The following PEBP4 variants were observed in gnomAD, a reference collection of about 807,000 sequenced individuals.
PEBP4 encodes phosphatidylethanolamine-binding protein 4.
In PEBP4, 22 loss-of-function variants were observed where a neutral mutation model predicts 23.9. The ratio of observed to expected loss-of-function variants is 0.92; its 90% confidence interval spans 0.66 to 1.31. The LOEUF (loss-of-function observed/expected upper bound fraction) is 1.31, where lower values mean the gene tolerates loss of function less well. Among genes scored for constraint, PEBP4 ranks in the 40% most tolerant of loss-of-function variants. The pLI is 0.00. For synonymous variants in PEBP4, 112 were observed against 99.3 expected (o/e 1.13, Z -0.76); for missense variants, 324 against 281.7 (o/e 1.15, Z -1.07).
At chr8:22,940,333 A>G (rs1809592889) in intron 1 of PEBP4, among the ~76,000 whole-genome samples, 1 of 152,152 alleles carries the variant, frequency 6.6e-6, no homozygotes, top group South Asian at 2.1e-4. Flanking sequence ...GAAATTCACC[A>G]AAGTGGCCTT....
intron 3 of PEBP4, among the ~76,000 whole-genome samples, 186 bp from the exon 4 acceptor site, chr8:22,817,921 T>A (rs377299936): frequency 6.6e-6 from 1 of 152,204 alleles, no homozygotes; most frequent in East Asian, 1.9e-4. Context: ...AGAAATGGCA[T>A]CTGTGAAGCA....
At chr8:22,924,669 C>G in intron 2 of PEBP4, 2 of 985,352 alleles carry the variant, frequency 2.0e-6, no homozygotes, top group Non-Finnish European at 2.4e-6. Flanking sequence ...GCAGCAGCTC[C>G]CATCCCTAGG....
chr8:22,930,318 G>A (rs1199319993), upstream of PEBP4, among the ~76,000 whole-genome samples: 1 of 152,020 alleles, frequency 6.6e-6, no homozygotes, highest in African/African-American at 2.4e-5. Context: ...TTTCCCCTAG[G>A]GTCCATCAGA....
intron 3 of PEBP4, chr8:22,897,793 A>C (rs1217089232): frequency 1.3e-5 from 2 of 152,192 alleles, no homozygotes; most frequent in East Asian, 3.8e-4. Flanking sequence ...CCCATATGCT[A>C]TGAAATGAAC....
At chr8:22,717,302 G>A (rs1329509339) in intron 6 of PEBP4, among the ~76,000 whole-genome samples, 1 of 152,214 alleles carries the variant, frequency 6.6e-6, no homozygotes, top group Non-Finnish European at 1.5e-5. Context: ...CTCCCAAAGT[G>A]CTGGGATTAC....
At chr8:22,770,797 A>G (rs1286774908) in intron 4 of PEBP4, among the ~76,000 whole-genome samples, 1 of 152,250 alleles carries the variant, frequency 6.6e-6, no homozygotes, top group African/African-American at 2.4e-5. Flanking sequence ...TTTAACGGAA[A>G]GCACACGTAT....
At chr8:22,744,318 C>A (rs1287490252) in intron 4 of PEBP4, among the ~76,000 whole-genome samples, 1 of 152,232 alleles carries the variant, frequency 6.6e-6, no homozygotes, top group African/African-American at 2.4e-5. Flanking sequence ...CAGAGATAGA[C>A]TCACCTGTTT....
intron 4 of PEBP4, among the ~76,000 whole-genome samples, chr8:22,772,789 T>A (rs759389230): frequency 1.3e-5 from 2 of 152,178 alleles, no homozygotes; most frequent in African/African-American, 4.8e-5. Context: ...AGACCTTTTC[T>A]TAGACAAATA....
At chr8:22,923,255 TC>T (rs1369648571) in intron 2 of PEBP4, among the ~76,000 whole-genome samples, 2 of 152,106 alleles carry the variant, frequency 1.3e-5, no homozygotes, top group African/African-American at 4.8e-5. Flanking sequence ...GTCATGTGGG[TC>T]TCTGTCATGG....
intron 3 of PEBP4, among the ~76,000 whole-genome samples, chr8:22,856,810 C>T (rs1292993774): frequency 1.3e-5 from 2 of 151,812 alleles, no homozygotes; most frequent in African/African-American, 4.8e-5. Context: ...AGGATCTTAC[C>T]CCCAGAAATT....
chr8:22,733,088 T>G (rs571923194), intron 4 of PEBP4, among the ~76,000 whole-genome samples: 73 of 152,308 alleles, frequency 4.8e-4, no homozygotes, highest in African/African-American at 1.7e-3. Context: ...TCAGCTTTAT[T>G]CTCCAGGCAA....
intron 3 of PEBP4, among the ~76,000 whole-genome samples, chr8:22,840,980 T>C (rs139523040): frequency 4.6e-5 from 7 of 152,376 alleles, no homozygotes; most frequent in African/African-American, 1.7e-4. Context: ...TATAAATTGA[T>C]GTAATCAGCA....
intron 3 of PEBP4, 140 bp from the exon 4 acceptor site, chr8:22,817,875 C>T: frequency 1.4e-6 from 1 of 702,820 alleles, no homozygotes. Context: ...TATCCTTGCT[C>T]TCGTGACATC....
chr8:22,735,254 G>A (rs1804835404), intron 4 of PEBP4, among the ~76,000 whole-genome samples: 1 of 152,180 alleles, frequency 6.6e-6, no homozygotes, highest in African/African-American at 2.4e-5. Flanking sequence ...GCCATGCTGG[G>A]GGGAGCAGAG....
intron 3 of PEBP4, among the ~76,000 whole-genome samples, chr8:22,876,211 G>T (rs548413003): frequency 9.2e-5 from 14 of 152,084 alleles, no homozygotes; most frequent in African/African-American, 2.9e-4. Context: ...GGGCCTGGCC[G>T]ACAGATGTCA....
intron 3 of PEBP4, among the ~76,000 whole-genome samples, chr8:22,859,947 T>A (rs1035072595): frequency 6.6e-6 from 1 of 151,434 alleles, no homozygotes; most frequent in African/African-American, 2.4e-5. Context: ...GGAGACCCCA[T>A]CCCTACAAAA....
intron 3 of PEBP4, among the ~76,000 whole-genome samples, chr8:22,892,461 T>C (rs540887895): frequency 9.9e-4 from 151 of 152,340 alleles, no homozygotes; most frequent in Non-Finnish European, 1.9e-3. Flanking sequence ...GAATAATTCC[T>C]GGAGGCCTAA....
rs189962445 is a variant in PEBP4, at chr8:22,909,610, A to G, written c.258+10574T>C. Reference sequence around the variant, plus strand: ...TCCCAGGGCCTGGAGCAGTCCCTGGAAACACCTCAGGATGTTCGGGGTGTA... The same window carrying G: ...TCCCAGGGCCTGGAGCAGTCCCTGGGAACACCTCAGGATGTTCGGGGTGTA... On this transcript the variant is annotated intron_variant, in intron 3 of 6. Coordinates refer to ENST00000256404, the MANE Select transcript of PEBP4 (RefSeq NM_144962.3). Among the ~76,000 whole-genome samples, 10 of 152,274 alleles carry G rather than the reference A, an allele frequency of 6.6e-5. No individual in the cohort carries two copies. The East Asian group carries it at 1.9e-3, about 29-fold the overall frequency.
At chr8:22,914,741 T>A (rs548723416) in intron 3 of PEBP4, among the ~76,000 whole-genome samples, 1 of 152,322 alleles carries the variant, frequency 6.6e-6, no homozygotes, top group East Asian at 1.9e-4. Context: ...CAGACCTGCC[T>A]CTCGGGCAGC....
Sources: allele counts gnomAD v4.1 joint callset (sites outside exome capture counted in the v4.1 genomes callset), GRCh38; gene constraint gnomAD v4.1.1; transcripts MANE v1.5; gene names NCBI Gene and HGNC (gene_info 2026-07-23, HGNC 2026-07-21).